The following WDR72 variants were observed in gnomAD, a reference collection of about 807,000 sequenced individuals.
WDR72 encodes the protein WD repeat-containing protein 72.
A neutral mutation model predicts 124.2 loss-of-function variants in WDR72; 120 were observed. The observed-to-expected ratio is 0.97, with a 90% confidence interval of 0.83 to 1.12. The LOEUF is 1.12. Ranked by LOEUF, WDR72 falls within the 50% of genes most tolerant of loss-of-function variation. WDR72 has a pLI of 0.00. For synonymous variants in WDR72, 452 were observed against 441.7 expected (o/e 1.02, Z -0.29); for missense variants, 1,387 against 1,278.8 (o/e 1.08, Z -1.29).
intron 18 of WDR72, among the ~76,000 whole-genome samples, chr15:53,566,953 T>G (rs950510447): frequency 6.6e-6 from 1 of 151,934 alleles, no homozygotes; most frequent in Non-Finnish European, 1.5e-5. Flanking sequence ...GCTGAGAGTC[T>G]TGATACATTT....
chr15:53,761,827 A>AAGACAAAAACAATC (rs2019068383), upstream of WDR72, among the ~76,000 whole-genome samples: 1 of 15,246 alleles, frequency 6.6e-5, no homozygotes, highest in Non-Finnish European at 7.6e-4. Flanking sequence ...GTCAAAAACA[A>AAGACAAAAACAATC]AAACAAAAAC....
chr15:53,540,399 A>C lies in WDR72; in HGVS notation c.3149-17077T>G, dbSNP rs116628855. On this transcript the variant is annotated intron_variant, in intron 18 of 19. Transcript: ENST00000360509. ...ATTCCAGGAATGGAACTAGCACAGAAAACTTCTCTGATCACAACGCAATAA... is the reference window on the plus strand; with the variant it reads ...ATTCCAGGAATGGAACTAGCACAGACAACTTCTCTGATCACAACGCAATAA... Among the ~76,000 whole-genome samples the C allele has an allele frequency of 8.6e-3, 1,311 of 152,266 alleles. 23 individuals are homozygous for C. The highest frequency in any genetic ancestry group is 0.03 in the African/African-American group (1,265 of 41,540).
intron 18 of WDR72, among the ~76,000 whole-genome samples, chr15:53,554,207 C>T (rs982109766): frequency 2.0e-5 from 3 of 152,084 alleles, no homozygotes; most frequent in Non-Finnish European, 4.4e-5. Flanking sequence ...ATGTTAAACT[C>T]TTGCCAATTT....
chr15:53,611,787 G>A (rs1312920294), intron 16 of WDR72, among the ~76,000 whole-genome samples: 1 of 151,806 alleles, frequency 6.6e-6, no homozygotes, highest in Non-Finnish European at 1.5e-5. Context: ...TACTGTGCAG[G>A]GTTGTTTTTA....
intron 18 of WDR72, among the ~76,000 whole-genome samples, chr15:53,526,712 T>G (rs1237573353): frequency 6.6e-6 from 1 of 152,110 alleles, no homozygotes; most frequent in Non-Finnish European, 1.5e-5. Flanking sequence ...TCTTGGATAT[T>G]TTCAGTAGTT....
intron 1 of WDR72, among the ~76,000 whole-genome samples, chr15:53,745,848 A>G (rs2018630686): frequency 6.6e-6 from 1 of 152,192 alleles, no homozygotes; most frequent in Non-Finnish European, 1.5e-5. Flanking sequence ...AAGTAACCAA[A>G]GAAATGAGTG....
intron 6 of WDR72, among the ~76,000 whole-genome samples, chr15:53,713,191 TGAAA>T (rs1567043684): frequency 2.1e-5 from 2 of 93,092 alleles, no homozygotes; most frequent in African/African-American, 6.5e-5. Context: ...ATGTATTTCT[TGAAA>T]AAAAAAAAAA....
rs368755797 is a variant in WDR72, at chr15:53,665,732, C to T, written c.1802G>A (p.Arg601Gln). ...ATCATCACAACAATTAAGAATAATT[C>T]GTGCTCTTTCTCCTGTCTCATGTCT... ...LERHETGERA[R>Q]IILNCCDDSQ... Residue 601 changes from arginine (R) to glutamine (Q), a missense_variant, in exon 14 of 20, where the codon CGA becomes CAA. By Grantham distance (43) the Arg-to-Gln change is conservative. Coordinates refer to ENST00000360509, the MANE Select transcript of WDR72 (RefSeq NM_182758.4). 1.7e-5 allele frequency: 27 copies of T among 1,613,814 alleles called. No homozygotes were observed. Among genetic ancestry groups the T allele is most frequent in the African/African-American group, 1.2e-4 (9 of 75,018 alleles).
chr15:53,662,888 G>A (rs1486815534), intron 14 of WDR72, among the ~76,000 whole-genome samples: 1 of 151,944 alleles, frequency 6.6e-6, no homozygotes, highest in African/African-American at 2.4e-5. Context: ...AACAAAATGA[G>A]ATCTTGCCTG....
In WDR72 at chr15:53,615,645, A is replaced by G. The variant is rs757660889; in HGVS notation, c.2561T>C (p.Ile854Thr). 10 of 1,612,170 alleles carry G rather than the reference A, an allele frequency of 6.2e-6. No homozygotes were observed. Among genetic ancestry groups the G allele is most frequent in the Non-Finnish European group, 6.8e-6 (8 of 1,178,910 alleles). Residue 854 changes from isoleucine (I) to threonine (T), a missense_variant, in exon 15 of 20, where the codon ATA (isoleucine) becomes ACA (threonine). Physicochemically the swap from Ile to Thr is moderately conservative, Grantham distance 89. Transcript: ENST00000360509. ...TAAATTTACTCCTGAATAGTCTTTT[A>G]TCATTCCACTATTGCATAAATCCCA... ...PGWDLCNSGMIKDYSGVNLFS... is the reference protein window; with the variant it reads ...PGWDLCNSGMTKDYSGVNLFS...
intron 14 of WDR72, among the ~76,000 whole-genome samples, chr15:53,649,572 T>G (rs1202628187): frequency 1.3e-5 from 2 of 151,938 alleles, no homozygotes; most frequent in African/African-American, 4.8e-5. Flanking sequence ...GTCCAAGAAT[T>G]CTTACAACTC....
At chr15:53,609,185 A>T (rs1193601423) in intron 17 of WDR72, among the ~76,000 whole-genome samples, 2 of 152,132 alleles carry the variant, frequency 1.3e-5, no homozygotes, top group Non-Finnish European at 2.9e-5. Context: ...ACATAATCAA[A>T]TTCCCACACA....
chr15:53,616,434 A>T (rs908662090), intron 14 of WDR72, among the ~76,000 whole-genome samples, 191 bp from the exon 15 acceptor site: 3 of 151,926 alleles, frequency 2.0e-5, no homozygotes, highest in African/African-American at 7.2e-5. Flanking sequence ...CATTCTTTGA[A>T]GACTTCTTTT....
chr15:53,522,581 G>C (rs1891862462), intron 19 of WDR72, among the ~76,000 whole-genome samples: 1 of 152,016 alleles, frequency 6.6e-6, no homozygotes, highest in African/African-American at 2.4e-5. Flanking sequence ...AATAGAAACA[G>C]AAATCCTTGT....
At chr15:53,724,479 G>A (rs1049202691) in intron 2 of WDR72, among the ~76,000 whole-genome samples, 3 of 152,122 alleles carry the variant, frequency 2.0e-5, no homozygotes, top group African/African-American at 4.8e-5. Flanking sequence ...GGGAAGCCTC[G>A]GGAAACTTAC....
Position 53,700,757 on chromosome 15 carries a change from A to G in WDR72, c.1570-812T>C, listed in dbSNP as rs148715184. On this transcript the variant is annotated intron_variant, in intron 12 of 19. Transcript: ENST00000360509. The stretch of plus-strand genomic sequence containing the variant: ...CCTAATTCTTTATTAAGTGCACTCC[A>G]GAAATCGTAAGGAAAAAAAAAATCA... Among the ~76,000 whole-genome samples the G allele has an allele frequency of 4.1e-3, 621 of 152,222 alleles. 3 individuals carry two copies. Among genetic ancestry groups the G allele is most frequent in the African/African-American group, 0.015 (605 of 41,506 alleles).
At chr15:53,653,556 T>C (rs1427992869) in intron 14 of WDR72, among the ~76,000 whole-genome samples, 1 of 152,224 alleles carries the variant, frequency 6.6e-6, no homozygotes, top group Non-Finnish European at 1.5e-5. Context: ...ATCTGGGTCA[T>C]GGGACTGAAC....
At chr15:53,759,580 C>T (rs1169645305) in intron 1 of WDR72, 53 bp downstream of exon 1, 2 of 152,464 alleles carry the variant, frequency 1.3e-5, no homozygotes, top group African/African-American at 4.8e-5. Flanking sequence ...AGACGAAGAC[C>T]ACCAGCCTGG....
At chr15:53,714,953 A>G (rs1458916296) in intron 5 of WDR72, among the ~76,000 whole-genome samples, 2 of 152,134 alleles carry the variant, frequency 1.3e-5, no homozygotes, top group Non-Finnish European at 2.9e-5. Context: ...TGGTTATAAA[A>G]ACACAAATTC....
Sources: allele counts gnomAD v4.1 joint callset (sites outside exome capture counted in the v4.1 genomes callset), GRCh38; gene constraint gnomAD v4.1.1; transcripts MANE v1.5; gene names NCBI Gene and HGNC (gene_info 2026-07-23, HGNC 2026-07-21).